Variants in WDFY2 observed in about 807,000 individuals in gnomAD.
WDFY2 encodes WD repeat and FYVE domain containing 2, also known as WD repeat and FYVE domain-containing protein 2.
WDFY2 carries 36 observed loss-of-function variants against 56.4 expected under a neutral mutation model. That is an observed-to-expected ratio of 0.64 (90% confidence interval 0.49 to 0.84). The LOEUF is 0.84. Among genes scored for constraint, WDFY2 ranks in the 40% least tolerant of loss-of-function variants. WDFY2 has a pLI of 0.00. For missense variants in WDFY2, 444 were observed against 512.2 expected, an observed-to-expected ratio of 0.87 and a Z score of 1.29; for synonymous variants, 176 against 183.7, an observed-to-expected ratio of 0.96 and a Z score of 0.34.
intron 1 of WDFY2, among the ~76,000 whole-genome samples, chr13:51,616,422 A>G (rs1483897172): frequency 1.3e-5 from 2 of 152,098 alleles, no homozygotes; most frequent in Non-Finnish European, 1.5e-5. Flanking sequence ...TCTTTTTTTC[A>G]ATTACCTAGT....
intron 7 of WDFY2, among the ~76,000 whole-genome samples, chr13:51,743,473 A>C (rs1260458374): frequency 6.6e-6 from 1 of 152,252 alleles, no homozygotes; most frequent in Non-Finnish European, 1.5e-5. Context: ...ATATAAAATA[A>C]TCAGCCCAGG....
chr13:51,653,002 TC>T (rs1955427145), intron 1 of WDFY2, among the ~76,000 whole-genome samples: 1 of 152,340 alleles, frequency 6.6e-6, no homozygotes, highest in East Asian at 1.9e-4. Flanking sequence ...CACAGTGTTT[TC>T]CAACTTGGTT....
intron 3 of WDFY2, among the ~76,000 whole-genome samples, chr13:51,697,131 G>A (rs1263746505): frequency 6.6e-6 from 1 of 152,030 alleles, no homozygotes; most frequent in African/African-American, 2.4e-5. Context: ...AATAAAGTAG[G>A]CACTCTAGAA....
intron 3 of WDFY2, among the ~76,000 whole-genome samples, chr13:51,695,087 A>AT (rs1366223665): frequency 1.3e-5 from 2 of 151,964 alleles, no homozygotes; most frequent in African/African-American, 4.8e-5. Context: ...ATTCGTCTAA[A>AT]TTTTTTTCAA....
chr13:51,711,843 G>A (rs1236829849), intron 4 of WDFY2, among the ~76,000 whole-genome samples: 1 of 152,196 alleles, frequency 6.6e-6, no homozygotes, highest in African/African-American at 2.4e-5. Flanking sequence ...CTGTTGGTGG[G>A]ACTGTAAACT....
At chr13:51,696,429 A>G (rs757523895) in intron 3 of WDFY2, among the ~76,000 whole-genome samples, 5 of 152,358 alleles carry the variant, frequency 3.3e-5, no homozygotes, top group Admixed American at 6.5e-5. Flanking sequence ...TTAGGAGCAC[A>G]TAGCCTTTAT....
chr13:51,692,895 AT>A lies in WDFY2; in HGVS notation c.280-10699del, dbSNP rs575877644. Among the ~76,000 whole-genome samples the A allele has an allele frequency of 5.3e-3, 811 of 152,280 alleles. 6 individuals are homozygous for A. Among genetic ancestry groups the A allele is most frequent in the African/African-American group, 0.018 (755 of 41,546 alleles). On this transcript the variant is annotated intron_variant, in intron 3 of 11. Transcript: ENST00000298125. ...GAGCCTGTTATTGGTCTATTCAGAG[AT>A]TCAACTTCTTCCTGGTTTAGTCTTG...
intron 1 of WDFY2, among the ~76,000 whole-genome samples, chr13:51,650,092 G>C (rs1047260677): frequency 3.3e-5 from 5 of 151,540 alleles, no homozygotes; most frequent in Admixed American, 6.6e-5. Context: ...CTTTTATTTC[G>C]TTGAGCAGTG....
chr13:51,767,408 T>C lies in WDFY2; in HGVS notation c.*7639T>C, dbSNP rs1211695800. ...TCCCTTCCTTGTGGTCCTTGGCTGA[T>C]GATGAGCCCTGGATCAGAGTGTCTC... On this transcript the variant is annotated 3_prime_UTR_variant, in exon 12 of 12. Coordinates refer to ENST00000298125, the MANE Select transcript of WDFY2 (RefSeq NM_052950.4). 2 of 152,206 alleles carry C rather than the reference T, an allele frequency of 1.3e-5. No homozygotes were observed. The highest frequency in any genetic ancestry group is 2.9e-5 in the Non-Finnish European group (2 of 68,036). 9.4% of individuals were successfully genotyped at this position (152,206 alleles called of 1,614,324 possible). A position where few individuals can be genotyped will look rare whatever the true frequency, so the allele number is the denominator to read the frequency against.
At chr13:51,634,629 G>A (rs1486330962) in intron 1 of WDFY2, among the ~76,000 whole-genome samples, 1 of 152,064 alleles carries the variant, frequency 6.6e-6, no homozygotes, top group East Asian at 1.9e-4. Context: ...GACCAACATG[G>A]CAAAACCCCG....
chr13:51,626,108 C>T (rs895577200), intron 1 of WDFY2, among the ~76,000 whole-genome samples: 3 of 152,102 alleles, frequency 2.0e-5, no homozygotes, highest in African/African-American at 4.8e-5. Flanking sequence ...TCACATTTCA[C>T]TTGAAATCCT....
Position 51,639,917 on chromosome 13 carries a change from C to G in WDFY2, c.138-20679C>G, listed in dbSNP as rs544663950. 2.6e-5 allele frequency among the ~76,000 whole-genome samples: 4 copies of G among 152,270 alleles called. No individual in the cohort carries two copies. In the East Asian group the frequency reaches 7.7e-4, roughly 29 times the overall value. Reference sequence around the variant, plus strand: ...ATATTGAGAATATTTGACATGAGAGCTTTTAAAAAATTTCTAGCAGGATTA... The same window carrying G: ...ATATTGAGAATATTTGACATGAGAGGTTTTAAAAAATTTCTAGCAGGATTA... On this transcript the variant is annotated intron_variant, in intron 1 of 11. Transcript: ENST00000298125.
intron 6 of WDFY2, among the ~76,000 whole-genome samples, chr13:51,730,232 A>G (rs1479886653): frequency 6.6e-5 from 10 of 152,192 alleles, no homozygotes; most frequent in African/African-American, 1.7e-4. Context: ...GCTCCCTGCA[A>G]TCTGGTTTGT....
chr13:51,699,187 G>A (rs1363486566), intron 3 of WDFY2, among the ~76,000 whole-genome samples: 3 of 152,192 alleles, frequency 2.0e-5, no homozygotes, highest in Non-Finnish European at 1.5e-5. Flanking sequence ...GGGCTAGGTG[G>A]TACAACTTTC....
intron 7 of WDFY2, among the ~76,000 whole-genome samples, chr13:51,745,973 C>CTTTTTTTTTTTTTTT (rs59572351): frequency 2.0e-5 from 2 of 100,760 alleles, no homozygotes; most frequent in Admixed American, 1.2e-4. Context: ...TTTTCTTTTT[C>CTTTTTTTTTTTTTTT]TTTTTTTTTT....
intron 7 of WDFY2, among the ~76,000 whole-genome samples, chr13:51,748,879 C>T (rs1953163505): frequency 6.6e-6 from 1 of 152,126 alleles, no homozygotes; most frequent in African/African-American, 2.4e-5. Flanking sequence ...ACTGACTTTC[C>T]AAGTTTTGTC....
Position 51,765,270 on chromosome 13 carries a change from TTC to T in WDFY2, c.*5503_*5504del, listed in dbSNP as rs1477810538. On this transcript the variant is annotated 3_prime_UTR_variant, in exon 12 of 12. Transcript: ENST00000298125. ...ATTCCTGTTTAAACTTCAGCTCAGT[TTC>T]TTAACCAAGAACCACGTCAACCCTC... 9 of 152,350 alleles carry T rather than the reference TTC, an allele frequency of 5.9e-5. No homozygotes were observed. The East Asian group carries it at 1.7e-3, about 29-fold the overall frequency. 9.4% of individuals were successfully genotyped at this position (152,350 alleles called of 1,614,324 possible).
At chr13:51,715,337 C>T (rs1952320183) in intron 4 of WDFY2, among the ~76,000 whole-genome samples, 3 of 152,076 alleles carry the variant, frequency 2.0e-5, no homozygotes. Flanking sequence ...CCTTTATTCT[C>T]TAGGTTTTTT....
intron 5 of WDFY2, among the ~76,000 whole-genome samples, chr13:51,720,975 TCACA>T (rs895425290): frequency 1.3e-5 from 2 of 151,304 alleles, no homozygotes; most frequent in Non-Finnish European, 3.0e-5. Flanking sequence ...TCTCTCTATT[TCACA>T]CACACACACA....
Sources: allele counts gnomAD v4.1 joint callset (sites outside exome capture counted in the v4.1 genomes callset), GRCh38; gene constraint gnomAD v4.1.1; transcripts MANE v1.5; gene names NCBI Gene and HGNC (gene_info 2026-07-23, HGNC 2026-07-21).